Variants in CTIF observed in about 807,000 individuals in gnomAD.
CTIF encodes cap binding complex dependent translation initiation factor.
Under a neutral mutation model 66.0 loss-of-function variants are expected in CTIF, and 21 were observed. The observed-to-expected ratio is 0.32, with a 90% CI of 0.23 to 0.46. CTIF has a LOEUF of 0.46. CTIF is among the 20% of genes least tolerant of loss of function. The probability of loss-of-function intolerance (pLI) is 1.00; values close to 1 mark genes in which losing one functional copy is unlikely to be tolerated. For synonymous variants in CTIF, 345 were observed against 326.4 expected, an observed-to-expected ratio of 1.06 and a Z score of -0.62; for missense variants, 739 against 812.7, an observed-to-expected ratio of 0.91 and a Z score of 1.10.
chr18:48,543,467 G>A (rs937023803), intron 1 of CTIF, among the ~76,000 whole-genome samples: 6 of 152,226 alleles, frequency 3.9e-5, no homozygotes, highest in South Asian at 2.1e-4. Flanking sequence ...CCTGCCTCCC[G>A]CTGTGTGCGG....
At chr18:48,788,920 C>T (rs939804836) in intron 9 of CTIF, among the ~76,000 whole-genome samples, 4 of 152,114 alleles carry the variant, frequency 2.6e-5, no homozygotes, top group African/African-American at 9.7e-5. Flanking sequence ...GTCTGGTTAA[C>T]GATGGCCAAA....
intron 10 of CTIF, among the ~76,000 whole-genome samples, chr18:48,849,883 C>T (rs2069163458): frequency 6.6e-6 from 1 of 152,116 alleles, no homozygotes; most frequent in Admixed American, 6.5e-5. Context: ...CGTGCCCGGC[C>T]CATTTTAACC....
chr18:48,808,665 C>T (rs1408858750), intron 9 of CTIF, among the ~76,000 whole-genome samples: 2 of 152,140 alleles, frequency 1.3e-5, no homozygotes, highest in East Asian at 1.9e-4. Flanking sequence ...GCTTCCTTTG[C>T]CACTGATTTG....
intron 2 of CTIF, among the ~76,000 whole-genome samples, chr18:48,634,005 C>T (rs569562224): frequency 6.6e-6 from 1 of 152,194 alleles, no homozygotes; most frequent in Non-Finnish European, 1.5e-5. Context: ...CCACGAACGT[C>T]CTTTTCCTGT....
At chr18:48,742,421 G>C (rs1598962214) in intron 7 of CTIF, among the ~76,000 whole-genome samples, 1 of 152,206 alleles carries the variant, frequency 6.6e-6, no homozygotes, top group African/African-American at 2.4e-5. Context: ...CCCCAAAGGG[G>C]CTGCAGACCC....
At chr18:48,669,790 C>CATTT (rs1305635046) in intron 5 of CTIF, among the ~76,000 whole-genome samples, 2 of 35,954 alleles carry the variant, frequency 5.6e-5, no homozygotes, top group African/African-American at 1.5e-4. Flanking sequence ...ACAAGCTAAA[C>CATTT]ATTTATATAT....
intron 7 of CTIF, among the ~76,000 whole-genome samples, chr18:48,722,206 CTTTTTTTTT>C (rs34736291): frequency 1.2e-5 from 1 of 81,052 alleles, no homozygotes. Context: ...TGGCCCTGTG[CTTTTTTTTT>C]TTTTTTTTTT....
At position 48,586,701 on chromosome 18, in the gene CTIF, C is replaced by A. The variant is rs149669849; in HGVS notation, c.-28-32837C>A. 2.1e-3 allele frequency among the ~76,000 whole-genome samples: 314 copies of A among 152,276 alleles called. 2 individuals carry two copies. Among genetic ancestry groups the A allele is most frequent in the South Asian group, 6.6e-3 (32 of 4,822 alleles). ...TTATAAATTTGCTTTTTATGCTCTG[C>A]TCATTTTGCTATTTTTGATGTATTT... On this transcript the variant is annotated intron_variant, in intron 1 of 11. Transcript: ENST00000256413.
At chr18:48,672,881 C>T (rs2091558856) in intron 6 of CTIF, among the ~76,000 whole-genome samples, 1 of 152,168 alleles carries the variant, frequency 6.6e-6, no homozygotes, top group Admixed American at 6.5e-5. Flanking sequence ...AGCCTCTGTC[C>T]TGGGCTCCCC....
At chr18:48,760,101 C>T (rs150601669) in intron 8 of CTIF, 21 of 152,082 alleles carry the variant, frequency 1.4e-4, no homozygotes, top group African/African-American at 4.6e-4. Context: ...CCCAGGGACT[C>T]AGAGTAGCCT....
intron 9 of CTIF, among the ~76,000 whole-genome samples, chr18:48,797,487 AG>A: frequency 2.3e-5 from 3 of 131,752 alleles, no homozygotes. Context: ...CATCCAAAAA[AG>A]AAAAGGGGTG....
intron 2 of CTIF, among the ~76,000 whole-genome samples, chr18:48,632,248 A>C (rs2090732246): frequency 6.6e-6 from 1 of 152,134 alleles, no homozygotes; most frequent in South Asian, 2.1e-4. Flanking sequence ...TTTGAGATGG[A>C]GCCCCACAAG....
intron 2 of CTIF, among the ~76,000 whole-genome samples, chr18:48,629,328 A>G (rs2090660385): frequency 6.6e-6 from 1 of 152,268 alleles, no homozygotes; most frequent in Non-Finnish European, 1.5e-5. Context: ...TCAAATATAC[A>G]TAGAAATTAC....
rs771829295 is a variant in CTIF at position 48,859,325 on chromosome 18, C to A, written c.1582-19C>A. 6.2e-7 allele frequency: 1 copy of A among 1,612,404 alleles called. No individual in the cohort carries two copies. The highest frequency in any genetic ancestry group is 1.1e-5 in the South Asian group (1 of 91,050). On this transcript the variant is annotated intron_variant, in intron 11 of 11. Coordinates refer to ENST00000256413, the MANE Select transcript of CTIF (RefSeq NM_014772.3). ...CTGTGGGACCCGAGGCCATCCTAAC[C>A]CCACATCTCTGTCTGCAGCTGCAGA...
chr18:48,786,044 C>G (rs1431202524), intron 9 of CTIF, among the ~76,000 whole-genome samples: 1 of 152,136 alleles, frequency 6.6e-6, no homozygotes, highest in African/African-American at 2.4e-5. Context: ...TTGAGGTTCT[C>G]CCTCATCCCA....
At chr18:48,762,766 A>G (rs1257231109) in intron 9 of CTIF, among the ~76,000 whole-genome samples, 1 of 152,256 alleles carries the variant, frequency 6.6e-6, no homozygotes, top group Non-Finnish European at 1.5e-5. Flanking sequence ...AGGTGTAAAC[A>G]AGGGCATATG....
chr18:48,824,531 T>G (rs2068544434), intron 10 of CTIF, among the ~76,000 whole-genome samples: 1 of 152,194 alleles, frequency 6.6e-6, no homozygotes, highest in Admixed American at 6.5e-5. Flanking sequence ...GTGAGGCTCT[T>G]CTAGGTTATC....
At chr18:48,564,349 G>A (rs935542455) in intron 1 of CTIF, among the ~76,000 whole-genome samples, 1 of 152,014 alleles carries the variant, frequency 6.6e-6, no homozygotes, top group Non-Finnish European at 1.5e-5. Flanking sequence ...CTGGGGAAGG[G>A]TAGATGAGTA....
intron 7 of CTIF, among the ~76,000 whole-genome samples, chr18:48,755,536 C>G (rs570938388): frequency 6.6e-6 from 1 of 152,226 alleles, no homozygotes; most frequent in Non-Finnish European, 1.5e-5. Flanking sequence ...TCTCCAGGTG[C>G]TGGTGCTGAT....
Sources: gnomAD v4.1 joint callset for allele counts (sites outside exome capture counted in the v4.1 genomes callset) on GRCh38, gnomAD v4.1.1 for gene constraint, MANE v1.5 for transcripts, NCBI Gene and HGNC (gene_info 2026-07-23, HGNC 2026-07-21) for gene names.